The following UTY variants were observed in gnomAD, a reference collection of about 807,000 sequenced individuals.
UTY encodes the protein ubiquitously transcribed tetratricopeptide repeat containing, Y-linked.
A neutral mutation model predicts 32.5 loss-of-function variants in UTY; 12 were observed. That is an observed-to-expected ratio of 0.37 (90% CI 0.24 to 0.60). The LOEUF (loss-of-function observed/expected upper bound fraction) is 0.60, where lower values mean the gene tolerates loss of function less well. Among genes scored for constraint, UTY ranks in the 20% least tolerant of loss-of-function variants. The pLI is 0.69. For missense variants in UTY, 303 were observed against 299.2 expected, an observed-to-expected ratio of 1.01 and a Z score of -0.09; for synonymous variants, 131 against 103.4, an observed-to-expected ratio of 1.27 and a Z score of -1.62.
At position 13,334,626 on chromosome Y, in the gene UTY, G is replaced by A. The variant is rs1603415796; in HGVS notation, c.2834+937C>T. On this transcript the variant is annotated intron_variant, in intron 18 of 29. Coordinates refer to ENST00000545955, the MANE Select transcript of UTY (RefSeq NM_001258249.2). ...CATCATCACTGGTCATTAGAGAAAC[G>A]CACATCAAAACCACAATGAGATACC... 1.8e-4 allele frequency among the ~76,000 whole-genome samples: 6 copies of A among 33,603 alleles called. No individual in the cohort carries two copies. The East Asian group carries it at 4.6e-3, about 26-fold the overall frequency. 90.2% of individuals were successfully genotyped at this position (33,603 alleles called of 37,273 possible). A position where few individuals can be genotyped will look rare whatever the true frequency, so the allele number is the denominator to read the frequency against.
At chrY:13,406,199 G>A in intron 6 of UTY, among the ~76,000 whole-genome samples, 1 of 32,755 alleles carries the variant, frequency 3.1e-5, no homozygotes, top group East Asian at 7.8e-4. Flanking sequence ...ATATTGAAGA[G>A]CCAAGTAAAA....
At chrY:13,291,513 A>G (rs2057758747) in intron 27 of UTY, among the ~76,000 whole-genome samples, 2 of 32,877 alleles carry the variant, frequency 6.1e-5, no homozygotes, top group Admixed American at 2.8e-4. Flanking sequence ...GAACAATGTG[A>G]ACACAGGGAG....
intron 6 of UTY, among the ~76,000 whole-genome samples, chrY:13,403,078 C>T: frequency 3.0e-5 from 1 of 32,883 alleles, no homozygotes; most frequent in East Asian, 7.9e-4. Flanking sequence ...ATTCAGAATA[C>T]AGTAGCCCAT....
At chrY:13,391,782 G>C (rs1421719231) in intron 8 of UTY, among the ~76,000 whole-genome samples, 1 of 33,575 alleles carries the variant, frequency 3.0e-5, no homozygotes, top group Non-Finnish European at 7.4e-5. Flanking sequence ...TAACACATCA[G>C]GCATGTTTAA....
intron 17 of UTY, among the ~76,000 whole-genome samples, chrY:13,343,085 A>G (rs763530941): frequency 3.6e-4 from 12 of 33,520 alleles, no homozygotes; most frequent in Admixed American, 8.0e-4. Flanking sequence ...ACTGCCAGAC[A>G]TGACAAAGCC....
chrY:13,289,719 A>G lies in UTY; in HGVS notation c.4010+7988T>C, dbSNP rs2057644792. On this transcript the variant is annotated intron_variant, in intron 27 of 29. Coordinates refer to ENST00000545955, the MANE Select transcript of UTY (RefSeq NM_001258249.2). Reference sequence around the variant, plus strand: ...TTTGTCTGCGGCTCGTCCTGCTACCATAACAAATCCTACGGGAGATAAATC... The same window carrying G: ...TTTGTCTGCGGCTCGTCCTGCTACCGTAACAAATCCTACGGGAGATAAATC... Among the ~76,000 whole-genome samples the G allele has an allele frequency of 1.2e-4, 4 of 33,618 alleles. No individual in the cohort carries two copies. In the South Asian group the frequency reaches 2.6e-3, roughly 22 times the overall value. 90.2% of individuals were successfully genotyped at this position (33,618 alleles called of 37,273 possible). A position where few individuals can be genotyped will look rare whatever the true frequency, so the allele number is the denominator to read the frequency against.
intron 15 of UTY, 48 bp from the exon 16 acceptor site, chrY:13,356,066 G>T: frequency 7.3e-6 from 2 of 274,075 alleles, no homozygotes; most frequent in Non-Finnish European, 1.1e-5. Context: ...TAAAATTTAA[G>T]ACAATATAAG....
chrY:13,365,411 C>CA (rs2064014664), intron 10 of UTY, among the ~76,000 whole-genome samples: 22 of 4,936 alleles, frequency 4.5e-3, no homozygotes, highest in African/African-American at 8.4e-3. Context: ...GACTGTGTCT[C>CA]AAAAAAAAAA....
chrY:13,387,531 T>G, intron 8 of UTY, among the ~76,000 whole-genome samples: 1 of 34,006 alleles, frequency 2.9e-5, no homozygotes. Context: ...AATTTCTGGC[T>G]GGGTGCAGTG....
intron 28 of UTY, chrY:13,234,862 C>T: frequency 9.1e-6 from 1 of 110,464 alleles, no homozygotes; most frequent in African/African-American, 9.6e-5. Flanking sequence ...TTGGGGTTTG[C>T]AGGACTGGCA....
intron 6 of UTY, among the ~76,000 whole-genome samples, chrY:13,399,962 C>A (rs2068743296): frequency 3.0e-5 from 1 of 33,649 alleles, no homozygotes; most frequent in Non-Finnish European, 7.4e-5. Context: ...CTTCCCATGG[C>A]AACTTCAAGT....
intron 27 of UTY, among the ~76,000 whole-genome samples, chrY:13,289,025 T>A (rs2057593995): frequency 3.0e-5 from 1 of 33,573 alleles, no homozygotes; most frequent in East Asian, 7.8e-4. Context: ...TAAAAGGATT[T>A]AAACTCTAAG....
chrY:13,457,415 T>C (rs2076874765), intron 3 of UTY, among the ~76,000 whole-genome samples: 1 of 33,150 alleles, frequency 3.0e-5, no homozygotes, highest in Non-Finnish European at 7.4e-5. Flanking sequence ...CACAAAACAA[T>C]TGAAAAGTTA....
At chrY:13,446,565 G>GATAC in intron 4 of UTY, among the ~76,000 whole-genome samples, 1 of 14,140 alleles carries the variant, frequency 7.1e-5, no homozygotes, top group Non-Finnish European at 1.5e-4. Flanking sequence ...TAGATAGATA[G>GATAC]ATAGATAGAT....
chrY:13,418,818 C>T (rs772806473), intron 4 of UTY, among the ~76,000 whole-genome samples: 1 of 34,039 alleles, frequency 2.9e-5, no homozygotes, highest in African/African-American at 1.1e-4. Context: ...TGGATTCCTG[C>T]AGTAAATTAT....
At chrY:13,246,043 C>T (rs1603223297), downstream of UTY, among the ~76,000 whole-genome samples, 1 of 33,210 alleles carries the variant, frequency 3.0e-5, no homozygotes, top group East Asian at 7.8e-4. Flanking sequence ...GCAAGCTCTG[C>T]CTCCCAGGTT....
chrY:13,463,029 AC>A (rs2077534413), intron 3 of UTY, among the ~76,000 whole-genome samples: 1 of 17,693 alleles, frequency 5.7e-5, no homozygotes, highest in Non-Finnish European at 1.2e-4. Flanking sequence ...CCCCAACCCC[AC>A]AACAGGCCCT....
At chrY:13,452,496 T>A in intron 3 of UTY, among the ~76,000 whole-genome samples, 1 of 33,428 alleles carries the variant, frequency 3.0e-5, no homozygotes, top group Non-Finnish European at 7.4e-5. Flanking sequence ...TAAACTGGAA[T>A]AAAAGTGCTT....
At chrY:13,409,855 G>A in intron 6 of UTY, among the ~76,000 whole-genome samples, 1 of 33,541 alleles carries the variant, frequency 3.0e-5, no homozygotes, top group Non-Finnish European at 7.4e-5. Context: ...TTCCTCTGGT[G>A]GACAATATTC....
Sources: allele counts gnomAD v4.1 joint callset (sites outside exome capture counted in the v4.1 genomes callset), GRCh38; gene constraint gnomAD v4.1.1; transcripts MANE v1.5; gene names NCBI Gene and HGNC (gene_info 2026-07-23, HGNC 2026-07-21).